ANKRD30B: variants seen among roughly 807,000 people sequenced by gnomAD.
ANKRD30B encodes ankyrin repeat domain 30B, also known as ankyrin repeat domain-containing protein 30B.
Under a neutral mutation model 202.2 loss-of-function variants are expected in ANKRD30B, and 144 were observed. The observed-to-expected ratio is 0.71, with a 90% CI of 0.62 to 0.82. The LOEUF is 0.82. Ranked by LOEUF, ANKRD30B falls within the 40% of genes least tolerant of loss-of-function variation. The pLI is 0.00. For synonymous variants in ANKRD30B, 508 were observed against 561.3 expected (o/e 0.91, Z 1.34); for missense variants, 1,487 against 1,669.1 (o/e 0.89, Z 1.90).
At chr18:14,807,729 G>A (rs1376594278) in intron 24 of ANKRD30B, among the ~76,000 whole-genome samples, 7 of 150,054 alleles carry the variant, frequency 4.7e-5, no homozygotes, top group African/African-American at 1.5e-4. Context: ...ACAGGGTTTC[G>A]CTATTTTGGC....
chr18:14,851,241 T>G (rs916017291), intron 41 of ANKRD30B, among the ~76,000 whole-genome samples: 6 of 151,616 alleles, frequency 4.0e-5, no homozygotes, highest in African/African-American at 1.4e-4. Flanking sequence ...GGGAAAGTTT[T>G]TTTTTTTTTT....
the ANKRD30B span, among the ~76,000 whole-genome samples, chr18:14,913,936 T>C: frequency 6.6e-6 from 1 of 152,246 alleles, no homozygotes; most frequent in Admixed American, 6.5e-5. Flanking sequence ...AAAGTCTTAA[T>C]GAGGAATGTG....
intron 1 of ANKRD30B, among the ~76,000 whole-genome samples, chr18:14,750,388 G>C (rs1913235684): frequency 6.6e-6 from 1 of 152,118 alleles, no homozygotes; most frequent in African/African-American, 2.4e-5. Flanking sequence ...CAATATTAGT[G>C]TTCCTGGTTA....
intron 7 of ANKRD30B, among the ~76,000 whole-genome samples, chr18:14,766,471 T>C (rs1366233464): frequency 4.6e-4 from 1 of 2,176 alleles, no homozygotes; most frequent in Non-Finnish European, 1.9e-3. Context: ...AGACTCCATC[T>C]CAAAAAAAAA....
At chr18:14,819,654 T>C (rs1279330330) in intron 30 of ANKRD30B, among the ~76,000 whole-genome samples, 3 of 151,996 alleles carry the variant, frequency 2.0e-5, no homozygotes, top group East Asian at 3.9e-4. Context: ...CTCAGGTTTG[T>C]CAAAGATCAG....
At chr18:14,866,886 G>T in the ANKRD30B span, among the ~76,000 whole-genome samples, 1 of 151,906 alleles carries the variant, frequency 6.6e-6, no homozygotes, top group Non-Finnish European at 1.5e-5. Context: ...GGGGTTAGGG[G>T]AATTAGCTGC....
intron 17 of ANKRD30B, 40 bp from the exon 18 acceptor site, chr18:14,796,303 T>C (rs1399145606): frequency 1.2e-6 from 2 of 1,609,610 alleles, no homozygotes. Flanking sequence ...TTAGGAAGCA[T>C]ATATTATGTA....
At chr18:14,881,563 C>A in the ANKRD30B span, among the ~76,000 whole-genome samples, 1 of 152,032 alleles carries the variant, frequency 6.6e-6, no homozygotes, top group African/African-American at 2.4e-5. Context: ...TATGTTCTTT[C>A]ATGGTTTTGG....
chr18:14,807,934 C>A (rs1378352584), intron 24 of ANKRD30B, among the ~76,000 whole-genome samples: 1 of 150,886 alleles, frequency 6.6e-6, no homozygotes, highest in Non-Finnish European at 1.5e-5. Context: ...AAAAATACTC[C>A]TATATCACAG....
Position 14,784,483 on chromosome 18 carries a change from G to T in ANKRD30B, c.1620G>T (p.Lys540Asn), listed in dbSNP as rs780460113. Residue 540 changes from lysine to asparagine, a missense_variant, in exon 14 of 44, where the codon AAG (lysine) becomes AAT (asparagine). By Grantham distance (94) the Lys-to-Asn change is moderately conservative (BLOSUM62 0). Coordinates refer to ENST00000690538, the MANE Select transcript of ANKRD30B (RefSeq NM_001367607.2). ...SAFKPAVEMQ[K>N]TVPNKAFELK... ...TTTAGCCTGCCGTTGAAATGCAAAA[G>T]ACTGTTCCAAATAAAGCCTTTGAAT... 102 of 1,613,038 alleles carry T rather than the reference G, an allele frequency of 6.3e-5. No individual in the cohort carries two copies. The highest frequency in any genetic ancestry group is 7.6e-5 in the Non-Finnish European group (90 of 1,179,380).
intron 32 of ANKRD30B, among the ~76,000 whole-genome samples, 165 bp downstream of exon 32, chr18:14,822,842 A>G (rs903279261): frequency 2.6e-5 from 4 of 151,196 alleles, no homozygotes; most frequent in Non-Finnish European, 4.4e-5. Flanking sequence ...AATGCCATTT[A>G]CAAGCGTAAG....
intron 34 of ANKRD30B, among the ~76,000 whole-genome samples, chr18:14,835,081 AAT>A (rs1971114586): frequency 6.6e-6 from 1 of 151,858 alleles, no homozygotes. Flanking sequence ...TATTTTTGAT[AAT>A]AGAGTATAAA....
At chr18:14,836,575 A>G (rs183777752) in intron 34 of ANKRD30B, among the ~76,000 whole-genome samples, 144 of 152,304 alleles carry the variant, frequency 9.5e-4, no homozygotes, top group African/African-American at 3.4e-3. Flanking sequence ...ATCACTGGAA[A>G]AGTCACCTTT....
Position 14,769,361 on chromosome 18 carries a change from A to C in ANKRD30B, c.1244A>C (p.Glu415Ala), listed in dbSNP as rs1018567108. 12 of 1,544,796 alleles carry C rather than the reference A, an allele frequency of 7.8e-6. No homozygotes were observed. The highest frequency in any genetic ancestry group is 1.0e-5 in the Non-Finnish European group (12 of 1,143,638). The change falls in exon 8 of 44, where the codon GAG becomes GCG. Residue 415 changes from glutamate to alanine, a missense_variant. Glu to Ala is a moderately radical substitution (Grantham distance 107). Coordinates refer to ENST00000690538, the MANE Select transcript of ANKRD30B (RefSeq NM_001367607.2). ...TTAATAGTGGATGTGAGTTCTGTAG[A>C]GCCTATATTCAGGTAAGACTTTGCG... ...ASTNVDVSSV[E>A]PIFSLFGTRT...
rs1436900693 is a variant in ANKRD30B, at chr18:14,782,550, G to A, written c.1506G>A (p.Lys502=). 6.3e-7 allele frequency: 1 copy of A among 1,590,244 alleles called. No homozygotes were observed. Among genetic ancestry groups the A allele is most frequent in the East Asian group, 2.3e-5 (1 of 43,936 alleles). ...AGAGTCTCTTTGAGAGTTCTGCAAA[G>A]ACTCAAGTGTGTATACCTGAGTCTA... is the stretch of plus-strand genomic sequence containing the variant. ...DSGSLFESSA[K]TQVCIPESMY... The change falls in exon 12 of 44, where the codon AAG becomes AAA. Residue 502 remains lysine, a synonymous_variant. Coordinates refer to ENST00000690538, the MANE Select transcript of ANKRD30B (RefSeq NM_001367607.2).
At chr18:14,749,710 T>C (rs1167353882) in intron 1 of ANKRD30B, among the ~76,000 whole-genome samples, 1 of 142,534 alleles carries the variant, frequency 7.0e-6, no homozygotes, top group Non-Finnish European at 1.5e-5. Flanking sequence ...AAATCACAGA[T>C]TGTTTGCTAA....
chr18:14,786,436 C>A (rs1430357200), intron 14 of ANKRD30B, among the ~76,000 whole-genome samples: 1 of 152,146 alleles, frequency 6.6e-6, no homozygotes, highest in African/African-American at 2.4e-5. Flanking sequence ...GTAATTAAAG[C>A]AGTTCTTAAT....
intron 39 of ANKRD30B, among the ~76,000 whole-genome samples, chr18:14,845,108 T>C (rs536641194): frequency 1.3e-5 from 2 of 152,122 alleles, no homozygotes; most frequent in South Asian, 4.1e-4. Context: ...AGGTCCCATT[T>C]GTCAATTTTA....
rs914502536 is a variant in ANKRD30B, at chr18:14,819,660, A to G, written c.2642-2823A>G. Among the ~76,000 whole-genome samples the G allele has an allele frequency of 2.9e-3, 448 of 152,026 alleles. 3 individuals carry two copies. The highest frequency in any genetic ancestry group is 9.6e-3 in the African/African-American group (398 of 41,508). On this transcript the variant is annotated intron_variant, in intron 30 of 43. Coordinates refer to ENST00000690538, the MANE Select transcript of ANKRD30B (RefSeq NM_001367607.2). ...CTTGTTTTTCTCAGGTTTGTCAAAG[A>G]TCAGATAGTTGTAGATATGTGGCGT...
Sources: gnomAD v4.1 joint callset for allele counts (sites outside exome capture counted in the v4.1 genomes callset) on GRCh38, gnomAD v4.1.1 for gene constraint, MANE v1.5 for transcripts, NCBI Gene and HGNC (gene_info 2026-07-23, HGNC 2026-07-21) for gene names.